The following TBC1D1 variants were observed in gnomAD, a reference collection of about 807,000 sequenced individuals.
TBC1D1 encodes the protein TBC1 domain family member 1.
TBC1D1 carries 89 observed loss-of-function variants against 125.6 expected under a neutral mutation model. The ratio of observed to expected loss-of-function variants is 0.71; its 90% CI spans 0.60 to 0.85. The LOEUF (loss-of-function observed/expected upper bound fraction) is 0.85, where lower values mean the gene tolerates loss of function less well. Among genes scored for constraint, TBC1D1 ranks in the 40% least tolerant of loss-of-function variants. The pLI is 0.00. For missense variants in TBC1D1, 1,377 were observed against 1,469.2 expected, an observed-to-expected ratio of 0.94 and a Z score of 1.03; for synonymous variants, 565 against 564.1, an observed-to-expected ratio of 1.00 and a Z score of -0.02.
chr4:37,998,257 C>T (rs980454902), intron 2 of TBC1D1, among the ~76,000 whole-genome samples: 1 of 152,194 alleles, frequency 6.6e-6, no homozygotes, highest in African/African-American at 2.4e-5. Context: ...TTACAAGACC[C>T]CTGTCTCCAG....
At chr4:38,019,524 T>A (rs1743548211) in intron 4 of TBC1D1, among the ~76,000 whole-genome samples, 1 of 152,184 alleles carries the variant, frequency 6.6e-6, no homozygotes, top group Non-Finnish European at 1.5e-5. Flanking sequence ...GAAATATGAA[T>A]GTTAAATGTT....
chr4:38,093,777 C>T (rs1284551695), intron 13 of TBC1D1, among the ~76,000 whole-genome samples: 2 of 152,146 alleles, frequency 1.3e-5, no homozygotes, highest in Non-Finnish European at 2.9e-5. Context: ...AGGTAATCCT[C>T]CCACCTTGGC....
At chr4:38,115,098 CT>C (rs56997021) in intron 15 of TBC1D1, among the ~76,000 whole-genome samples, 167 of 134,658 alleles carry the variant, frequency 1.2e-3, no homozygotes, top group Middle Eastern at 3.8e-3. Flanking sequence ...TTTCTTTTTT[CT>C]TTTTTTTTTT....
At chr4:38,001,457 G>A (rs1739069348) in intron 2 of TBC1D1, among the ~76,000 whole-genome samples, 1 of 152,190 alleles carries the variant, frequency 6.6e-6, no homozygotes, top group South Asian at 2.1e-4. Flanking sequence ...TTGGCCATTG[G>A]TAACTAATTC....
intron 6 of TBC1D1, among the ~76,000 whole-genome samples, chr4:38,022,024 T>G (rs1744147809): frequency 6.6e-6 from 1 of 152,210 alleles, no homozygotes; most frequent in South Asian, 2.1e-4. Flanking sequence ...ATCAAGGTTG[T>G]GTGAGTGGTC....
At chr4:38,026,516 C>T (rs1745116400) in intron 6 of TBC1D1, among the ~76,000 whole-genome samples, 1 of 152,270 alleles carries the variant, frequency 6.6e-6, no homozygotes, top group African/African-American at 2.4e-5. Context: ...AGGTGCCTCG[C>T]ACACTGTTCT....
chr4:38,021,710 G>C lies in TBC1D1; in HGVS notation c.1202G>C (p.Arg401Thr). The change falls in exon 6 of 20, where the codon AGG (arginine) becomes ACG (threonine). Residue 401 changes from arginine to threonine, a missense_variant. Physicochemically the swap from Arg to Thr is moderately conservative, Grantham distance 71 (BLOSUM62 -1). Coordinates refer to ENST00000261439, the MANE Select transcript of TBC1D1 (RefSeq NM_015173.4). ...CAAAGCCTGCACAAGCTCTGTGAGAGGATAGAGGGTGAGTAGGGGACCCTT... is the reference window on the plus strand; with the variant it reads ...CAAAGCCTGCACAAGCTCTGTGAGACGATAGAGGGTGAGTAGGGGACCCTT... 6.4e-7 allele frequency: 1 copy of C among 1,572,214 alleles called. No homozygotes were observed. The highest frequency in any genetic ancestry group is 8.6e-7 in the Non-Finnish European group (1 of 1,160,650).
intron 15 of TBC1D1, among the ~76,000 whole-genome samples, chr4:38,111,484 TA>T (rs1311184684): frequency 1.3e-5 from 2 of 152,198 alleles, no homozygotes; most frequent in South Asian, 2.1e-4. Flanking sequence ...CTCATACATA[TA>T]AAAAATTATT....
chr4:38,023,661 T>C (rs1744506430), intron 6 of TBC1D1, among the ~76,000 whole-genome samples: 1 of 152,260 alleles, frequency 6.6e-6, no homozygotes, highest in Admixed American at 6.5e-5. Context: ...TTTTTAAGGC[T>C]GAATGGTATT....
intron 1 of TBC1D1, among the ~76,000 whole-genome samples, chr4:37,894,901 T>C (rs1714203853): frequency 6.6e-6 from 1 of 152,174 alleles, no homozygotes; most frequent in Non-Finnish European, 1.5e-5. Context: ...ATAAGACAGA[T>C]ATAGATTCAA....
chr4:37,943,774 G>A (rs1726073113), intron 2 of TBC1D1, among the ~76,000 whole-genome samples: 1 of 152,110 alleles, frequency 6.6e-6, no homozygotes, highest in Non-Finnish European at 1.5e-5. Flanking sequence ...TTTGCGATGG[G>A]TTCAAACTTC....
chr4:38,016,412 C>A (rs375928432), intron 3 of TBC1D1, among the ~76,000 whole-genome samples: 1 of 152,204 alleles, frequency 6.6e-6, no homozygotes, highest in African/African-American at 2.4e-5. Context: ...ATTCTTCCCT[C>A]GAGTTGTCAC....
chr4:38,054,724 A>G (rs1016925808), intron 12 of TBC1D1, among the ~76,000 whole-genome samples: 5 of 152,230 alleles, frequency 3.3e-5, no homozygotes, highest in African/African-American at 4.8e-5. Flanking sequence ...CAGGAATGAA[A>G]GGACGTCAAG....
At chr4:37,974,387 T>C (rs1447899500) in intron 2 of TBC1D1, among the ~76,000 whole-genome samples, 3 of 151,746 alleles carry the variant, frequency 2.0e-5, no homozygotes, top group Non-Finnish European at 4.4e-5. Flanking sequence ...TGTGCCACTA[T>C]GTCCAGCTAA....
At position 37,961,660 on chromosome 4, in the gene TBC1D1, G is replaced by A. The variant is rs1269851001; in HGVS notation, c.418-52849G>A. On this transcript the variant is annotated intron_variant, in intron 2 of 19. Transcript: ENST00000261439. ...GTTCCTGAATTCCAAGACTTAGTGAGTTTCCTAGGCCAGGAGCTGCTATTC... is the reference window on the plus strand; with the variant it reads ...GTTCCTGAATTCCAAGACTTAGTGAATTTCCTAGGCCAGGAGCTGCTATTC... Among the ~76,000 whole-genome samples the A allele has an allele frequency of 1.3e-5, 2 of 152,194 alleles. 1 individual carries two copies. The highest frequency in any genetic ancestry group is 2.9e-5 in the Non-Finnish European group (2 of 68,044).
intron 3 of TBC1D1, among the ~76,000 whole-genome samples, chr4:38,015,396 T>C (rs1742486311): frequency 6.6e-6 from 1 of 152,190 alleles, no homozygotes; most frequent in Non-Finnish European, 1.5e-5. Context: ...AAGAGTGGCT[T>C]TGTGAGTGAC....
At chr4:37,907,345 T>C (rs1717559033) in intron 2 of TBC1D1, among the ~76,000 whole-genome samples, 1 of 152,216 alleles carries the variant, frequency 6.6e-6, no homozygotes, top group South Asian at 2.1e-4. Context: ...CAAAGTATTT[T>C]TTGCACTTTA....
intron 7 of TBC1D1, among the ~76,000 whole-genome samples, chr4:38,029,004 C>T: frequency 6.6e-6 from 1 of 152,166 alleles, no homozygotes; most frequent in Non-Finnish European, 1.5e-5. Flanking sequence ...GAAGCTAGCT[C>T]TTGCCCTTGC....
chr4:37,990,617 G>T, intron 2 of TBC1D1, among the ~76,000 whole-genome samples: 1 of 152,186 alleles, frequency 6.6e-6, no homozygotes, highest in East Asian at 1.9e-4. Flanking sequence ...GAATTTCCAG[G>T]TGAAGGGAAG....
Sources: gnomAD v4.1 joint callset for allele counts (sites outside exome capture counted in the v4.1 genomes callset) on GRCh38, gnomAD v4.1.1 for gene constraint, MANE v1.5 for transcripts, NCBI Gene and HGNC (gene_info 2026-07-23, HGNC 2026-07-21) for gene names.